Variants in VIRMA observed in about 807,000 individuals in gnomAD.
VIRMA encodes vir like m6A methyltransferase associated.
In VIRMA, 65 loss-of-function variants were observed where a neutral mutation model predicts 182.4. The observed-to-expected ratio is 0.36, with a 90% CI of 0.29 to 0.44. The LOEUF is 0.44. Ranked by LOEUF, VIRMA falls within the 20% of genes least tolerant of loss-of-function variation. The pLI is 1.00. For synonymous variants in VIRMA, 709 were observed against 743.1 expected, an observed-to-expected ratio of 0.95 and a Z score of 0.75; for missense variants, 1,752 against 2,158.1, an observed-to-expected ratio of 0.81 and a Z score of 3.73.
intron 19 of VIRMA, 137 bp downstream of exon 19, chr8:94,495,592 AAC>A: frequency 1.8e-6 from 1 of 542,340 alleles, no homozygotes; most frequent in Non-Finnish European, 3.1e-6. Flanking sequence ...AAGAATACAC[AAC>A]AGAGGCTGTA....
At chr8:94,494,283 T>C (rs750261950) in intron 20 of VIRMA, among the ~76,000 whole-genome samples, 2 of 151,842 alleles carry the variant, frequency 1.3e-5, no homozygotes, top group Admixed American at 6.6e-5. Context: ...TGAGACTTTA[T>C]CTATATTAAA....
chr8:94,496,139 T>C lies in VIRMA; in HGVS notation c.4383+189A>G. 3 of 631,454 alleles carry C rather than the reference T, an allele frequency of 4.8e-6. No individual in the cohort carries two copies. The South Asian group carries it at 7.1e-5, about 15-fold the overall frequency. The allele number at this position is 631,454 out of a possible 1,614,324, so 39.1% of individuals were successfully genotyped here. On this transcript the variant is annotated intron_variant, in intron 18 of 23. Transcript: ENST00000297591. ...GACAATTCAAAAAGTACCGTCTTCA[T>C]GTACTCCTTAAAATTCATAACAGGA...
chr8:94,497,995 G>C (rs538977312), intron 17 of VIRMA: 2 of 152,414 alleles, frequency 1.3e-5, no homozygotes, highest in East Asian at 3.9e-4. Flanking sequence ...CTGGGCACCA[G>C]AGTGAGACCT....
At chr8:94,534,537 T>C in intron 5 of VIRMA, 1 of 462,744 alleles carries the variant, frequency 2.2e-6, no homozygotes, top group Non-Finnish European at 3.8e-6. Context: ...GAACGAGGTG[T>C]GCTTGCTCAC....
intron 16 of VIRMA, among the ~76,000 whole-genome samples, chr8:94,500,383 A>G (rs1813929827): frequency 6.6e-6 from 1 of 152,150 alleles, no homozygotes; most frequent in Admixed American, 6.5e-5. Context: ...GGGCAACAAC[A>G]AAGAGAAATA....
chr8:94,490,232 G>T, intron 22 of VIRMA, 150 bp from the exon 23 acceptor site: 2 of 804,052 alleles, frequency 2.5e-6, no homozygotes, highest in Non-Finnish European at 3.7e-6. Flanking sequence ...CATCACAGTG[G>T]TTAAGAGCAG....
intron 1 of VIRMA, among the ~76,000 whole-genome samples, chr8:94,547,742 T>C (rs1185606929): frequency 6.6e-6 from 1 of 150,692 alleles, no homozygotes; most frequent in African/African-American, 2.5e-5. Flanking sequence ...GAAACCTAAA[T>C]GTATGAGAAT....
intron 5 of VIRMA, chr8:94,533,618 T>TTTTTTC (rs1815242690): frequency 9.4e-6 from 1 of 106,196 alleles, no homozygotes; most frequent in Admixed American, 1.1e-4. Context: ...TTCTTTCTTT[T>TTTTTTC]TTTTTTTTTT....
At position 94,538,064 on chromosome 8, in the gene VIRMA, C is replaced by T. The variant is rs141824719; in HGVS notation, c.266+196G>A. On this transcript the variant is annotated intron_variant, in intron 3 of 23. Coordinates refer to ENST00000297591, the MANE Select transcript of VIRMA (RefSeq NM_015496.5). The stretch of plus-strand genomic sequence containing the variant: ...GTTAACAAACAATGGCTATTTCACA[C>T]ATTTAAATTTTTATTTTATAAATTT... 9.8e-5 allele frequency among the ~76,000 whole-genome samples: 15 copies of T among 152,296 alleles called. No individual in the cohort carries two copies. In the East Asian group the frequency reaches 2.9e-3, roughly 29 times the overall value.
chr8:94,544,761 T>A (rs1229816083), intron 1 of VIRMA, among the ~76,000 whole-genome samples: 1 of 152,016 alleles, frequency 6.6e-6, no homozygotes, highest in African/African-American at 2.4e-5. Context: ...GGGTTTTGTG[T>A]TTTTTGGTGT....
chr8:94,508,230 C>CTGGGG (rs1814237993), intron 15 of VIRMA, among the ~76,000 whole-genome samples: 1 of 152,014 alleles, frequency 6.6e-6, no homozygotes, highest in Non-Finnish European at 1.5e-5. Context: ...GCTGGGACTA[C>CTGGGG]AGATGCATGC....
intron 1 of VIRMA, among the ~76,000 whole-genome samples, chr8:94,544,586 G>A (rs980244667): frequency 1.3e-5 from 2 of 150,462 alleles, no homozygotes; most frequent in Admixed American, 6.7e-5. Context: ...GCGTGAACCC[G>A]GGAGGCAGAG....
intron 1 of VIRMA, among the ~76,000 whole-genome samples, chr8:94,551,816 C>A (rs1815996631): frequency 1.3e-5 from 2 of 152,190 alleles, no homozygotes; most frequent in Non-Finnish European, 2.9e-5. Flanking sequence ...CCTTGAACTC[C>A]CAGGATCAAA....
At chr8:94,528,697 A>G (rs1403545574) in intron 7 of VIRMA, among the ~76,000 whole-genome samples, 2 of 152,212 alleles carry the variant, frequency 1.3e-5, no homozygotes, top group East Asian at 1.9e-4. Flanking sequence ...AATTCCACCT[A>G]GCTTTACCAC....
At chr8:94,491,950 G>A in intron 21 of VIRMA, 41 bp from the exon 22 acceptor site, 2 of 1,421,414 alleles carry the variant, frequency 1.4e-6, no homozygotes, top group African/African-American at 1.4e-5. Flanking sequence ...TTTTCTTTCA[G>A]GTTTCTAGCA....
chr8:94,531,098 G>A lies in VIRMA; in HGVS notation c.485-13C>T. The A allele has an allele frequency of 6.6e-7, 1 of 1,517,450 alleles. No individual in the cohort carries two copies. The highest frequency in any genetic ancestry group is 8.8e-7 in the Non-Finnish European group (1 of 1,137,364). 94.0% of individuals were successfully genotyped at this position (1,517,450 alleles called of 1,614,324 possible). A position where few individuals can be genotyped will look rare whatever the true frequency, so the allele number is the denominator to read the frequency against. Reference sequence around the variant, plus strand: ...TTCTCCCCATCAGCTAGTGTTTTATGGGAGACAGAAAAAGAACTTTCAAAT... The same window carrying A: ...TTCTCCCCATCAGCTAGTGTTTTATAGGAGACAGAAAAAGAACTTTCAAAT... On this transcript the variant is annotated splice_polypyrimidine_tract_variant and intron_variant, in intron 5 of 23. Transcript: ENST00000297591.
At position 94,529,051 on chromosome 8, in the gene VIRMA, C is replaced by T; in HGVS notation, c.880+19G>A. ...GTTTCTAGTACTTAAACCCCAAAGT[C>T]CTAGCTAACATAACCCACCTTCACC... On this transcript the variant is annotated intron_variant, in intron 7 of 23. Transcript: ENST00000297591. 1 of 1,611,510 alleles carries T rather than the reference C, an allele frequency of 6.2e-7. No individual in the cohort carries two copies. The highest frequency in any genetic ancestry group is 8.5e-7 in the Non-Finnish European group (1 of 1,177,798).
chr8:94,528,238 A>C (rs1815040672), intron 7 of VIRMA, among the ~76,000 whole-genome samples: 1 of 151,606 alleles, frequency 6.6e-6, no homozygotes, highest in Non-Finnish European at 1.5e-5. Context: ...TCTCAAAAAA[A>C]AAAAAAAAAA....
At chr8:94,509,425 G>C (rs1245985356) in intron 15 of VIRMA, among the ~76,000 whole-genome samples, 1 of 151,772 alleles carries the variant, frequency 6.6e-6, no homozygotes, top group Non-Finnish European at 1.5e-5. Flanking sequence ...GAATGACTTG[G>C]TGTGTAACGT....
Sources: gnomAD v4.1 joint callset for allele counts (sites outside exome capture counted in the v4.1 genomes callset) on GRCh38, gnomAD v4.1.1 for gene constraint, MANE v1.5 for transcripts, NCBI Gene and HGNC (gene_info 2026-07-23, HGNC 2026-07-21) for gene names.